ZMYM2: variants seen among roughly 807,000 people sequenced by gnomAD.
The protein encoded by ZMYM2 is zinc finger MYM-type protein 2.
In ZMYM2, 56 loss-of-function variants were observed where a neutral mutation model predicts 162.8. The observed-to-expected ratio is 0.34, with a 90% CI of 0.28 to 0.43. The LOEUF (loss-of-function observed/expected upper bound fraction) is 0.43. Among genes scored for constraint, ZMYM2 ranks in the 20% least tolerant of loss-of-function variants. The pLI is 1.00. For synonymous variants in ZMYM2, 510 were observed against 541.6 expected, an observed-to-expected ratio of 0.94 and a Z score of 0.81; for missense variants, 1,275 against 1,621.8, an observed-to-expected ratio of 0.79 and a Z score of 3.67.
intron 20 of ZMYM2, 92 bp from the exon 21 acceptor site, chr13:20,067,147 C>T: frequency 7.2e-7 from 1 of 1,386,512 alleles, no homozygotes; most frequent in South Asian, 1.6e-5. Flanking sequence ...TATTTTACTT[C>T]AGAGCTCTTA....
chr13:19,977,132 C>G (rs1956866372), intron 2 of ZMYM2, among the ~76,000 whole-genome samples: 1 of 152,160 alleles, frequency 6.6e-6, no homozygotes, highest in Non-Finnish European at 1.5e-5. Flanking sequence ...GGTTTTCTAT[C>G]CTAACAGAAA....
At chr13:19,960,687 T>A (rs367899795) in intron 2 of ZMYM2, among the ~76,000 whole-genome samples, 5 of 152,362 alleles carry the variant, frequency 3.3e-5, no homozygotes, top group African/African-American at 4.8e-5. Flanking sequence ...TTTGAATGTG[T>A]TACCAGAGAA....
the ZMYM2 span, among the ~76,000 whole-genome samples, chr13:19,914,685 A>G: frequency 6.6e-6 from 1 of 152,196 alleles, no homozygotes; most frequent in Admixed American, 6.5e-5. Flanking sequence ...CTTATCCACC[A>G]CCATGGTATT....
the ZMYM2 span, among the ~76,000 whole-genome samples, chr13:19,885,983 A>G: frequency 0.055 from 2,914 of 52,624 alleles, 1,087 homozygotes; most frequent in Middle Eastern, 0.16. Flanking sequence ...ATATATATGT[A>G]TATACACATA....
At chr13:20,015,072 CT>C (rs1951512907) in intron 6 of ZMYM2, among the ~76,000 whole-genome samples, 1 of 151,992 alleles carries the variant, frequency 6.6e-6, no homozygotes, top group Admixed American at 6.6e-5. Context: ...TACTTTCTTT[CT>C]TTTTAACATA....
chr13:19,993,887 A>C lies in ZMYM2; in HGVS notation c.815A>C (p.Gln272Pro). The change falls in exon 3 of 25, where the codon CAG becomes CCG. Residue 272 changes from glutamine (Q) to proline (P), a missense_variant. Around this residue, in one of 10 missense-constraint regions of ZMYM2, gnomAD observed 115 missense variants for 175.3 expected, o/e 0.66. Coordinates refer to ENST00000610343, the MANE Select transcript of ZMYM2 (RefSeq NM_197968.4). ...ATGAATGTGGCAGGAGACGTTTTTC[A>C]GAATGGAGAATCTGCAACTCATCAT... ...GRMNVAGDVFQNGESATHHNP... is the reference protein window; with the variant it reads ...GRMNVAGDVFPNGESATHHNP... 3.1e-6 allele frequency: 5 copies of C among 1,613,542 alleles called. No individual in the cohort carries two copies. The highest frequency in any genetic ancestry group is 4.2e-6 in the Non-Finnish European group (5 of 1,179,732).
rs908964686 is a variant in ZMYM2, at chr13:20,089,072, T to A, written c.*3058T>A. 6 of 197,906 alleles carry A rather than the reference T, an allele frequency of 3.0e-5. No homozygotes were observed. The highest frequency in any genetic ancestry group is 5.2e-5 in the Non-Finnish European group (5 of 95,480). The allele number at this position is 197,906 out of a possible 1,614,324, so 12.3% of individuals were successfully genotyped here. ...GTTCCCCTCAAAATAGTCATGAAAGTGTACATGAAAATATTTTTAAAGAAT... is the reference window on the plus strand; with the variant it reads ...GTTCCCCTCAAAATAGTCATGAAAGAGTACATGAAAATATTTTTAAAGAAT... On this transcript the variant is annotated 3_prime_UTR_variant, in exon 25 of 25. Transcript: ENST00000610343.
chr13:19,876,272 C>A, the ZMYM2 span, among the ~76,000 whole-genome samples: 134 of 152,232 alleles, frequency 8.8e-4, no homozygotes, highest in Non-Finnish European at 1.2e-3. Flanking sequence ...GGTGATCCGC[C>A]CGCCTTTGGC....
chr13:20,014,762 G>GTT (rs71070286), intron 6 of ZMYM2, among the ~76,000 whole-genome samples: 5,107 of 92,564 alleles, frequency 0.055, 69 homozygotes, highest in South Asian at 0.071. Flanking sequence ...TTTACTTTAG[G>GTT]TTTTTTTTTT....
the ZMYM2 span, among the ~76,000 whole-genome samples, chr13:19,889,247 G>A: frequency 1.3e-5 from 2 of 151,918 alleles, no homozygotes; most frequent in African/African-American, 2.4e-5. Context: ...TGGGGTTTCC[G>A]ATATCATTTT....
At position 20,019,595 on chromosome 13, in the gene ZMYM2, G is replaced by A. The variant is rs1403318816; in HGVS notation, c.1561G>A (p.Asp521Asn). 1.3e-6 allele frequency: 2 copies of A among 1,597,490 alleles called. No homozygotes were observed. Among genetic ancestry groups the A allele is most frequent in the Admixed American group, 1.7e-5 (1 of 57,830 alleles). ...FLKEVRDHMQ[D>N]SFLMQPEKYG... Reference sequence around the variant, plus strand: ...GAAGGAGGTTCGAGATCACATGCAGGACTCTTTCTTAATGCAGCCTGAGGT... The same window carrying A: ...GAAGGAGGTTCGAGATCACATGCAGAACTCTTTCTTAATGCAGCCTGAGGT... Residue 521 changes from aspartate to asparagine, a missense_variant, in exon 7 of 25, where the codon GAC (aspartate) becomes AAC (asparagine). Coordinates refer to ENST00000610343, the MANE Select transcript of ZMYM2 (RefSeq NM_197968.4).
intron 21 of ZMYM2, among the ~76,000 whole-genome samples, chr13:20,071,598 G>A (rs1326015731): frequency 2.0e-5 from 3 of 152,222 alleles, no homozygotes; most frequent in African/African-American, 4.8e-5. Context: ...TGCTTGGCCC[G>A]TGGCCAGTCC....
chr13:20,004,955 A>G (rs1434821158), intron 4 of ZMYM2, 119 bp from the exon 5 acceptor site: 1 of 723,072 alleles, frequency 1.4e-6, no homozygotes, highest in East Asian at 3.2e-5. Context: ...GATTTATTAG[A>G]TCCAAGAATG....
chr13:20,055,707 C>T (rs748486884), intron 14 of ZMYM2, among the ~76,000 whole-genome samples: 2 of 151,954 alleles, frequency 1.3e-5, no homozygotes, highest in Admixed American at 6.6e-5. Flanking sequence ...CCAGTCTACC[C>T]GAGTGCTATA....
the ZMYM2 span, among the ~76,000 whole-genome samples, chr13:19,920,359 C>T: frequency 4.4e-3 from 674 of 152,134 alleles, 7 homozygotes; most frequent in African/African-American, 0.015. Context: ...AAGTCTCAGA[C>T]CCGATTTGGC....
At chr13:19,997,904 T>G (rs1363425452) in intron 3 of ZMYM2, among the ~76,000 whole-genome samples, 1 of 152,214 alleles carries the variant, frequency 6.6e-6, no homozygotes, top group African/African-American at 2.4e-5. Flanking sequence ...GTATTTAGCT[T>G]GGTTCCAGTT....
chr13:20,038,617 TC>T (rs1228209344), intron 12 of ZMYM2, among the ~76,000 whole-genome samples: 1 of 152,152 alleles, frequency 6.6e-6, no homozygotes, highest in Non-Finnish European at 1.5e-5. Context: ...TCTATTCTGT[TC>T]CATTGGTCTA....
At chr13:20,038,305 G>A (rs1953920886) in intron 12 of ZMYM2, among the ~76,000 whole-genome samples, 1 of 152,094 alleles carries the variant, frequency 6.6e-6, no homozygotes, top group East Asian at 1.9e-4. Flanking sequence ...CCATTTGTCA[G>A]TTTTTGCTTT....
At chr13:19,999,549 G>A (rs924763343) in intron 3 of ZMYM2, among the ~76,000 whole-genome samples, 3 of 152,140 alleles carry the variant, frequency 2.0e-5, no homozygotes, top group South Asian at 2.1e-4. Flanking sequence ...TTGAGACACA[G>A]CAATATTTAA....
Sources: allele counts gnomAD v4.1 joint callset (sites outside exome capture counted in the v4.1 genomes callset), GRCh38; gene constraint gnomAD v4.1.1; regional missense constraint gnomAD v4.1.1; transcripts MANE v1.5; gene names NCBI Gene and HGNC (gene_info 2026-07-23, HGNC 2026-07-21).